The following HMCN2 variants were observed in gnomAD, a reference collection of about 807,000 sequenced individuals.
The protein encoded by HMCN2 is hemicentin-2.
HMCN2 carries 325 observed loss-of-function variants against 377.5 expected under a neutral mutation model. The ratio of observed to expected loss-of-function variants is 0.86; its 90% CI spans 0.79 to 0.94. The LOEUF is 0.94. Ranked by LOEUF, HMCN2 falls within the 40% of genes least tolerant of loss-of-function variation. HMCN2 has a pLI of 0.00. For missense variants in HMCN2, 4,543 were observed against 4,725.3 expected, an observed-to-expected ratio of 0.96 and a Z score of 1.13; for synonymous variants, 2,007 against 2,046.8, an observed-to-expected ratio of 0.98 and a Z score of 0.53.
chr9:130,272,611 G>T (rs890302496), intron 1 of HMCN2, among the ~76,000 whole-genome samples: 6 of 152,018 alleles, frequency 3.9e-5, no homozygotes, highest in African/African-American at 1.4e-4. Flanking sequence ...GCAGTGGCTC[G>T]ATCATGGCTC....
At chr9:130,300,592 G>A (rs1836452266) in intron 8 of HMCN2, among the ~76,000 whole-genome samples, 1 of 152,230 alleles carries the variant, frequency 6.6e-6, no homozygotes, top group Admixed American at 6.5e-5. Flanking sequence ...CCAAGCTAAT[G>A]CACACAACAA....
rs1007274230 is a variant in HMCN2 at position 130,422,195 on chromosome 9, C to T, written c.13232-382C>T. Among the ~76,000 whole-genome samples the T allele has an allele frequency of 6.6e-6, 1 of 152,250 alleles. No individual in the cohort carries two copies. On this transcript the variant is annotated intron_variant, in intron 86 of 97. Transcript: ENST00000683500. The surrounding 1 kb of genome is among the most constrained non-coding windows in gnomAD (Gnocchi z 4.2). ...CCTGGCTCCTTCAGTGTGCCAGCCA[C>T]GCCATCGTGGGCTCCCGGCATTTCA...
chr9:130,268,099 G>T (rs1828178501), intron 1 of HMCN2, among the ~76,000 whole-genome samples: 1 of 152,188 alleles, frequency 6.6e-6, no homozygotes, highest in African/African-American at 2.4e-5. Flanking sequence ...GAAATATGTG[G>T]CTCCAGTGGC....
chr9:130,407,868 A>G (rs10736862), intron 83 of HMCN2, among the ~76,000 whole-genome samples, 163 bp downstream of exon 83: 110,592 of 152,114 alleles, frequency 0.73, 41,053 homozygotes, highest in Non-Finnish European at 0.82. Context: ...CTGAAGTCCA[A>G]GTTCTACTTC....
At chr9:130,340,891 T>A (rs1839011154) in intron 23 of HMCN2, among the ~76,000 whole-genome samples, 1 of 152,074 alleles carries the variant, frequency 6.6e-6, no homozygotes, top group South Asian at 2.1e-4. Flanking sequence ...GCCCTAAGGG[T>A]TGAGTCTTTC....
At position 130,431,501 on chromosome 9, in the gene HMCN2, G is replaced by C. The variant is rs1321283964; in HGVS notation, c.14767+15G>C. The C allele has an allele frequency of 3.2e-6, 5 of 1,546,730 alleles. No individual in the cohort carries two copies. Among genetic ancestry groups the C allele is most frequent in the Non-Finnish European group, 4.4e-6 (5 of 1,146,358 alleles). On this transcript the variant is annotated intron_variant, in intron 96 of 97. Coordinates refer to ENST00000683500, the MANE Select transcript of HMCN2 (RefSeq NM_001291815.2). ...GAACTGCCAGGGTGAGCCGGGCTCA[G>C]GCCGCCGCCCAAACACCCGTGGGGC...
chr9:130,319,470 T>G (rs1255315680), intron 15 of HMCN2, 25 bp from the exon 16 acceptor site: 1 of 152,268 alleles, frequency 6.6e-6, no homozygotes, highest in Non-Finnish European at 1.5e-5. Flanking sequence ...CCTCCGGGCA[T>G]GGTTGACTGG....
chr9:130,312,539 CCTTTCTTTCTTTCTTT>C (rs1187968109), intron 15 of HMCN2, among the ~76,000 whole-genome samples: 87 of 6,616 alleles, frequency 0.013, no homozygotes, highest in Non-Finnish European at 0.019. Context: ...CTCCCTCCCT[CCTTTCTTTCTTTCTTT>C]CTTTCTTTCT....
intron 25 of HMCN2, among the ~76,000 whole-genome samples, chr9:130,343,323 G>T (rs1839163519): frequency 6.6e-6 from 1 of 152,234 alleles, no homozygotes; most frequent in African/African-American, 2.4e-5. Flanking sequence ...GGTCACCAAA[G>T]CCTGACAGGA....
chr9:130,357,912 G>C lies in HMCN2; in HGVS notation c.5504G>C (p.Gly1835Ala), dbSNP rs984148830. 229 of 1,304,218 alleles carry C rather than the reference G, an allele frequency of 1.8e-4. No individual in the cohort carries two copies. The highest frequency in any genetic ancestry group is 2.8e-4 in the Admixed American group (12 of 43,568). 80.8% of individuals were successfully genotyped at this position (1,304,218 alleles called of 1,614,324 possible). ...CAGCCTGTGACCCTCCAGTGCATAG[G>C]GGATGGGGTGCCCACCCCAAGCCTC... ...FLQPVTLQCIGDGVPTPSLRW... is the reference protein window; with the variant it reads ...FLQPVTLQCIADGVPTPSLRW... The change falls in exon 35 of 98, where the codon GGG becomes GCG. Residue 1835 changes from glycine (G) to alanine (A), a missense_variant. Gly to Ala is a moderately conservative substitution (Grantham distance 60). Transcript: ENST00000683500.
At chr9:130,349,338 C>A (rs1233608733) in intron 28 of HMCN2, among the ~76,000 whole-genome samples, 199 bp from the exon 29 acceptor site, 4 of 152,192 alleles carry the variant, frequency 2.6e-5, no homozygotes, top group African/African-American at 9.7e-5. Context: ...TCATTACTGT[C>A]ACAAGTGCTA....
chr9:130,344,242 G>T (rs1438049728), intron 25 of HMCN2, among the ~76,000 whole-genome samples: 2 of 152,276 alleles, frequency 1.3e-5, no homozygotes, highest in South Asian at 2.1e-4. Flanking sequence ...AGATGAGAGG[G>T]GGGTGTGCAT....
intron 87 of HMCN2, among the ~76,000 whole-genome samples, 200 bp from the exon 88 acceptor site, chr9:130,424,576 A>G (rs963737236): frequency 6.6e-6 from 1 of 152,148 alleles, no homozygotes; most frequent in Non-Finnish European, 1.5e-5. Context: ...CAGTTACTCC[A>G]GGAAGTAGAT....
Position 130,375,918 on chromosome 9 carries a change from C to G in HMCN2, c.7847C>G (p.Ala2616Gly). 2 of 985,982 alleles carry G rather than the reference C, an allele frequency of 2.0e-6. No homozygotes were observed. Among genetic ancestry groups the G allele is most frequent in the Non-Finnish European group, 2.4e-6 (2 of 830,026 alleles). The allele number at this position is 985,982 out of a possible 1,614,324, so 61.1% of individuals were successfully genotyped here. A position where few individuals can be genotyped will look rare whatever the true frequency, so the allele number is the denominator to read the frequency against. The change falls in exon 51 of 98, where the codon GCT becomes GGT. Residue 2616 changes from alanine (A) to glycine (G), a missense_variant. Physicochemically the swap from Ala to Gly is moderately conservative, Grantham distance 60. Around this residue, in one of 5 missense-constraint regions of HMCN2, gnomAD observed 736 missense variants for 773.2 expected, o/e 0.95. Transcript: ENST00000683500. ...ATCCTGAATGCCCAGAAGGAAGATG[C>G]TGGCCAGTACACCTGCGTGGTCACC... Reference protein sequence around the residue: ...LQILNAQKEDAGQYTCVVTNE... With the variant: ...LQILNAQKEDGGQYTCVVTNE...
In HMCN2 at chr9:130,400,937, C is replaced by G; in HGVS notation, c.11760C>G (p.Val3920=). The change falls in exon 77 of 98, where the codon GTC becomes GTG. Residue 3920 remains valine (V), a synonymous_variant. Transcript: ENST00000683500. The stretch of plus-strand genomic sequence containing the variant: ...GAGCTCGGGGGAGTGGCTATCGTGT[C>G]TCACCATCGGGTAAGTAAGGGTAAG... ...QLGARGSGYR[V]SPSGALEIGQ... The G allele has an allele frequency of 3.9e-6, 5 of 1,287,580 alleles. No individual in the cohort carries two copies. The highest frequency in any genetic ancestry group is 5.1e-6 in the Non-Finnish European group (5 of 987,906). 79.8% of individuals were successfully genotyped at this position (1,287,580 alleles called of 1,614,324 possible).
chr9:130,280,580 G>T (rs1369940753), intron 1 of HMCN2, among the ~76,000 whole-genome samples: 2 of 152,066 alleles, frequency 1.3e-5, no homozygotes, highest in East Asian at 3.9e-4. Context: ...TGGTCCAGGG[G>T]ATCCTTCCTA....
intron 1 of HMCN2, among the ~76,000 whole-genome samples, chr9:130,276,001 G>A (rs1046980296): frequency 1.8e-4 from 27 of 152,072 alleles, no homozygotes; most frequent in African/African-American, 6.3e-4. Context: ...CTTTCCAGGC[G>A]AGGAACTGTG....
chr9:130,335,492 A>G (rs1838697139), intron 22 of HMCN2, among the ~76,000 whole-genome samples: 1 of 152,094 alleles, frequency 6.6e-6, no homozygotes, highest in African/African-American at 2.4e-5. Flanking sequence ...CAAACTGTTC[A>G]GGGCTGCCCA....
Position 130,400,869 on chromosome 9 carries a change from C to T in HMCN2, c.11692C>T (p.Pro3898Ser). The change falls in exon 77 of 98, where the codon CCA (proline) becomes TCA (serine). Residue 3898 changes from proline (P) to serine (S), a missense_variant. Coordinates refer to ENST00000683500, the MANE Select transcript of HMCN2 (RefSeq NM_001291815.2). ...VVLTCHSTGI[P>S]APTVSWSKAG... is the part of the protein sequence containing the mutation. ...CCTCACATGTCACAGCACGGGTATA[C>T]CAGCTCCGACCGTGTCCTGGAGCAA... The T allele has an allele frequency of 1.6e-6, 2 of 1,289,570 alleles. No individual in the cohort carries two copies. Among genetic ancestry groups the T allele is most frequent in the Non-Finnish European group, 2.0e-6 (2 of 988,750 alleles). 79.9% of individuals were successfully genotyped at this position (1,289,570 alleles called of 1,614,324 possible). A position where few individuals can be genotyped will look rare whatever the true frequency, so the allele number is the denominator to read the frequency against.
Sources: gnomAD v4.1 joint callset for allele counts (sites outside exome capture counted in the v4.1 genomes callset) on GRCh38, gnomAD v4.1.1 for gene constraint, gnomAD v4.1.1 regional missense constraint, Gnocchi (gnomAD v3.1) non-coding constraint, MANE v1.5 for transcripts, NCBI Gene and HGNC (gene_info 2026-07-23, HGNC 2026-07-21) for gene names.